LIN7A: variants seen among roughly 807,000 people sequenced by gnomAD.
LIN7A encodes the protein lin-7 cell polarity scaffold A.
LIN7A carries 25 observed loss-of-function variants against 29.8 expected under a neutral mutation model. The ratio of observed to expected loss-of-function variants is 0.84; its 90% confidence interval spans 0.61 to 1.17. The LOEUF (loss-of-function observed/expected upper bound fraction) is 1.17, where lower values mean the gene tolerates loss of function less well. LIN7A is among the 50% of genes most tolerant of loss of function. The pLI, the probability that LIN7A is intolerant of heterozygous loss-of-function variation, is 0.00. For synonymous variants in LIN7A, 118 were observed against 107.5 expected (o/e 1.10, Z -0.60); for missense variants, 239 against 287.0 (o/e 0.83, Z 1.21).
intron 1 of LIN7A, among the ~76,000 whole-genome samples, chr12:80,933,846 C>T (rs1440195242): frequency 6.6e-6 from 1 of 152,072 alleles, no homozygotes; most frequent in Non-Finnish European, 1.5e-5. Context: ...TAGCACTCTC[C>T]TTTACCCAGT....
chr12:80,932,153 G>A (rs1177132493), intron 1 of LIN7A, among the ~76,000 whole-genome samples: 1 of 152,162 alleles, frequency 6.6e-6, no homozygotes, highest in Non-Finnish European at 1.5e-5. Flanking sequence ...GAAGTAATAA[G>A]CTCTGCCTGC....
At chr12:80,924,378 A>G (rs1469403601) in intron 1 of LIN7A, among the ~76,000 whole-genome samples, 4 of 152,238 alleles carry the variant, frequency 2.6e-5, no homozygotes, top group Non-Finnish European at 4.4e-5. Context: ...CATTTATTGC[A>G]TTGGGGAAAA....
At chr12:80,841,591 A>T (rs1245813603) in intron 4 of LIN7A, 1 of 152,038 alleles carries the variant, frequency 6.6e-6, no homozygotes. Flanking sequence ...CCAGGCTTTG[A>T]TATTTAGTTG....
At chr12:80,905,923 A>G (rs1249692873) in intron 1 of LIN7A, among the ~76,000 whole-genome samples, 1 of 152,060 alleles carries the variant, frequency 6.6e-6, no homozygotes, top group Non-Finnish European at 1.5e-5. Context: ...TATTTTCTAA[A>G]GCATATAATC....
chr12:80,846,314 C>A (rs1873075457), intron 3 of LIN7A, among the ~76,000 whole-genome samples: 1 of 152,214 alleles, frequency 6.6e-6, no homozygotes, highest in South Asian at 2.1e-4. Context: ...ACTATGAGCA[C>A]CTTAAGAGCA....
rs180738382 is a variant in LIN7A, at chr12:80,844,989, A to G, written c.483+741T>C. ...CGCGATGGTTCACGCCTGTAATCCCAGCACTTTGGGAGGCCGAGGCAGGCG... is the reference window on the plus strand; with the variant it reads ...CGCGATGGTTCACGCCTGTAATCCCGGCACTTTGGGAGGCCGAGGCAGGCG... On this transcript the variant is annotated intron_variant, in intron 4 of 5. Coordinates refer to ENST00000552864, the MANE Select transcript of LIN7A (RefSeq NM_004664.4). Among the ~76,000 whole-genome samples the G allele has an allele frequency of 4.7e-3, 716 of 152,284 alleles. 8 individuals are homozygous for G. Among genetic ancestry groups the G allele is most frequent in the African/African-American group, 0.017 (690 of 41,566 alleles).
intron 1 of LIN7A, among the ~76,000 whole-genome samples, chr12:80,933,176 G>A (rs10862209): frequency 0.19 from 28,395 of 152,038 alleles, 2,876 homozygotes; most frequent in East Asian, 0.34. Flanking sequence ...TCTAAAAATC[G>A]AATTATAATA....
intron 4 of LIN7A, among the ~76,000 whole-genome samples, chr12:80,838,225 G>A (rs1872667312): frequency 6.6e-6 from 1 of 152,142 alleles, no homozygotes. Context: ...CACACTATCA[G>A]CACAATCTCT....
intron 2 of LIN7A, among the ~76,000 whole-genome samples, chr12:80,869,078 T>C (rs149648544): frequency 9.9e-5 from 15 of 151,754 alleles, no homozygotes; most frequent in African/African-American, 3.6e-4. Flanking sequence ...GTGGCCTAAG[T>C]TTTGGCTAGG....
chr12:80,869,440 C>A (rs891429960), intron 2 of LIN7A, among the ~76,000 whole-genome samples: 1 of 151,974 alleles, frequency 6.6e-6, no homozygotes, highest in African/African-American at 2.4e-5. Flanking sequence ...TGGCTGGGGG[C>A]GGATTCATCT....
intron 4 of LIN7A, among the ~76,000 whole-genome samples, chr12:80,826,568 C>T (rs992510875): frequency 5.9e-5 from 9 of 152,032 alleles, no homozygotes; most frequent in African/African-American, 1.9e-4. Flanking sequence ...TGTGGCTCAG[C>T]CTAGAGTGCG....
chr12:80,888,645 G>T (rs1162595134), intron 2 of LIN7A, among the ~76,000 whole-genome samples: 1 of 151,142 alleles, frequency 6.6e-6, no homozygotes, highest in African/African-American at 2.4e-5. Context: ...ATCTCAAGTG[G>T]CTTCTTTTGT....
intron 1 of LIN7A, among the ~76,000 whole-genome samples, chr12:80,931,504 C>T (rs1214618120): frequency 1.3e-5 from 2 of 151,872 alleles, no homozygotes; most frequent in African/African-American, 4.8e-5. Flanking sequence ...ATCAGCTGGG[C>T]CTGGTGGTGT....
intron 1 of LIN7A, among the ~76,000 whole-genome samples, chr12:80,921,456 T>TTTTTTTTTTTTTTTTG (rs1555230354): frequency 6.8e-6 from 1 of 146,824 alleles, no homozygotes; most frequent in African/African-American, 2.6e-5. Flanking sequence ...CAGCAGATTC[T>TTTTTTTTTTTTTTTTG]ACCTGACGAG....
intron 5 of LIN7A, among the ~76,000 whole-genome samples, chr12:80,806,905 A>C (rs1357464198): frequency 6.6e-6 from 1 of 152,174 alleles, no homozygotes; most frequent in Admixed American, 6.5e-5. Flanking sequence ...GTGTATTGCA[A>C]GTGCCATCTT....
chr12:80,848,003 G>A, intron 3 of LIN7A: 1 of 586,362 alleles, frequency 1.7e-6, no homozygotes, highest in Non-Finnish European at 3.1e-6. Context: ...AGATTTGCTT[G>A]TGCCAAATGG....
chr12:80,798,551 T>C (rs553257343), intron 5 of LIN7A, among the ~76,000 whole-genome samples: 1 of 152,298 alleles, frequency 6.6e-6, no homozygotes, highest in South Asian at 2.1e-4. Flanking sequence ...CGAGATATTA[T>C]ATAACAACAC....
At chr12:80,870,123 A>G (rs967445653) in intron 2 of LIN7A, among the ~76,000 whole-genome samples, 1 of 152,184 alleles carries the variant, frequency 6.6e-6, no homozygotes, top group African/African-American at 2.4e-5. Flanking sequence ...ATCTCAATGC[A>G]CATGGTATGT....
At chr12:80,865,068 T>C (rs541107755) in intron 2 of LIN7A, among the ~76,000 whole-genome samples, 1 of 152,204 alleles carries the variant, frequency 6.6e-6, no homozygotes, top group South Asian at 2.1e-4. Context: ...TTGGAGATAA[T>C]TGTCAGCATA....
Sources: allele counts gnomAD v4.1 joint callset (sites outside exome capture counted in the v4.1 genomes callset), GRCh38; gene constraint gnomAD v4.1.1; transcripts MANE v1.5; gene names NCBI Gene and HGNC (gene_info 2026-07-23, HGNC 2026-07-21).